Variants in CSMD1 observed in about 807,000 individuals in gnomAD.
CSMD1 encodes the protein CUB and sushi domain-containing protein 1.
CSMD1 carries 213 observed loss-of-function variants against 417.5 expected under a neutral mutation model. The observed-to-expected ratio is 0.51, with a 90% CI of 0.46 to 0.57. The LOEUF (loss-of-function observed/expected upper bound fraction) is 0.57, where lower values mean the gene tolerates loss of function less well. Among genes scored for constraint, CSMD1 ranks in the 20% least tolerant of loss-of-function variants. The pLI, the probability that CSMD1 is intolerant of heterozygous loss-of-function variation, is 0.00. For synonymous variants in CSMD1, 2,862 were observed against 1,736.8 expected (o/e 1.65, Z -16.11); for missense variants, 6,923 against 4,529.7 (o/e 1.53, Z -15.17).
At chr8:3,868,150 C>G (rs916490581) in intron 5 of CSMD1, among the ~76,000 whole-genome samples, 1 of 152,056 alleles carries the variant, frequency 6.6e-6, no homozygotes, top group Non-Finnish European at 1.5e-5. Flanking sequence ...AATCACAGCC[C>G]TAATTCCACT....
At chr8:3,526,392 T>TC (rs1456144437) in intron 10 of CSMD1, among the ~76,000 whole-genome samples, 1 of 152,136 alleles carries the variant, frequency 6.6e-6, no homozygotes, top group East Asian at 1.9e-4. Flanking sequence ...TCTTCAATCC[T>TC]AAATATATTT....
chr8:4,023,148 C>A (rs1045294513), intron 4 of CSMD1, among the ~76,000 whole-genome samples: 7 of 152,116 alleles, frequency 4.6e-5, no homozygotes, highest in Non-Finnish European at 1.0e-4. Flanking sequence ...GAGGAACTGC[C>A]CATCACAACT....
chr8:3,062,179 C>A (rs896949910), intron 49 of CSMD1, among the ~76,000 whole-genome samples: 3 of 152,144 alleles, frequency 2.0e-5, no homozygotes, highest in Admixed American at 2.0e-4. Context: ...CCTCCCTTAT[C>A]TTTGATTTCC....
At chr8:4,501,749 G>A (rs1252327447) in intron 2 of CSMD1, among the ~76,000 whole-genome samples, 1 of 152,118 alleles carries the variant, frequency 6.6e-6, no homozygotes, top group African/African-American at 2.4e-5. Flanking sequence ...ACTCATGGTT[G>A]CAGTAGTGCA....
intron 3 of CSMD1, among the ~76,000 whole-genome samples, chr8:4,166,471 T>G (rs1390684191): frequency 6.6e-6 from 1 of 152,146 alleles, no homozygotes; most frequent in Non-Finnish European, 1.5e-5. Context: ...TGGATGAAGT[T>G]GGAGGCCATT....
chr8:4,435,454 C>T (rs905184941), intron 2 of CSMD1, among the ~76,000 whole-genome samples: 5 of 152,188 alleles, frequency 3.3e-5, no homozygotes, highest in Admixed American at 1.3e-4. Context: ...AAACTTATCA[C>T]TGGTTTCCAC....
chr8:4,936,417 GATATAA>G (rs1190404159), intron 1 of CSMD1, among the ~76,000 whole-genome samples: 3 of 152,112 alleles, frequency 2.0e-5, no homozygotes, highest in Non-Finnish European at 4.4e-5. Flanking sequence ...TACTCAAATT[GATATAA>G]ATAGAAAAAA....
chr8:4,841,002 G>A (rs747633490), intron 1 of CSMD1, among the ~76,000 whole-genome samples: 26 of 152,182 alleles, frequency 1.7e-4, no homozygotes, highest in Non-Finnish European at 2.8e-4. Context: ...TCTTAACTGA[G>A]CGTTTGCCGT....
chr8:4,675,596 G>A (rs926289383), intron 1 of CSMD1, among the ~76,000 whole-genome samples: 1 of 152,124 alleles, frequency 6.6e-6, no homozygotes, highest in African/African-American at 2.4e-5. Context: ...GGTAGTAGCA[G>A]CAGTGATTAC....
chr8:3,455,555 G>C (rs185350314), intron 12 of CSMD1, among the ~76,000 whole-genome samples: 39 of 152,336 alleles, frequency 2.6e-4, no homozygotes, highest in Middle Eastern at 3.4e-3. Flanking sequence ...CTGCAGGTCT[G>C]TTGGAATTTG....
intron 3 of CSMD1, among the ~76,000 whole-genome samples, chr8:4,398,418 A>C (rs1269395996): frequency 1.7e-5 from 2 of 115,034 alleles, no homozygotes; most frequent in East Asian, 5.3e-4. Context: ...TGTGAGATAG[A>C]GTCTCACTCT....
chr8:3,153,821 A>T (rs1363636372), intron 39 of CSMD1, among the ~76,000 whole-genome samples: 1 of 152,208 alleles, frequency 6.6e-6, no homozygotes, highest in African/African-American at 2.4e-5. Context: ...ATCTCCTGTC[A>T]AACATGCATC....
intron 7 of CSMD1, among the ~76,000 whole-genome samples, chr8:3,707,355 T>G (rs1324376536): frequency 6.6e-6 from 1 of 152,128 alleles, no homozygotes; most frequent in African/African-American, 2.4e-5. Flanking sequence ...TTCCACTAAT[T>G]GCTAGGCAAC....
chr8:3,312,663 C>T (rs1442105513), intron 23 of CSMD1, among the ~76,000 whole-genome samples: 1 of 152,168 alleles, frequency 6.6e-6, no homozygotes, highest in African/African-American at 2.4e-5. Flanking sequence ...AGAGAAACAT[C>T]CCTAGAAATC....
chr8:3,354,864 T>C (rs1808644245), intron 21 of CSMD1, among the ~76,000 whole-genome samples: 1 of 151,104 alleles, frequency 6.6e-6, no homozygotes. Flanking sequence ...TCCCTATATA[T>C]AGATATACAT....
At chr8:4,060,597 G>C (rs138588722) in intron 3 of CSMD1, among the ~76,000 whole-genome samples, 2 of 152,158 alleles carry the variant, frequency 1.3e-5, no homozygotes, top group Non-Finnish European at 2.9e-5. Flanking sequence ...TCTGGGTTTC[G>C]GAACTGTCCC....
At chr8:3,581,155 G>A (rs1188377218) in intron 9 of CSMD1, among the ~76,000 whole-genome samples, 2 of 152,092 alleles carry the variant, frequency 1.3e-5, no homozygotes, top group African/African-American at 4.8e-5. Context: ...AAGACTGATG[G>A]AATGAAGTAC....
intron 44 of CSMD1, 82 bp downstream of exon 44, chr8:3,108,521 T>G: frequency 7.0e-7 from 1 of 1,424,664 alleles, no homozygotes; most frequent in Non-Finnish European, 9.6e-7. Flanking sequence ...AAACTTCAGC[T>G]GGAAACAAGG....
chr8:4,293,368 C>A (rs1797480013), intron 3 of CSMD1, among the ~76,000 whole-genome samples: 1 of 152,156 alleles, frequency 6.6e-6, no homozygotes, highest in Non-Finnish European at 1.5e-5. Context: ...TAAGTCCAAT[C>A]TAAATTTATT....
Sources: gnomAD v4.1 joint callset for allele counts (sites outside exome capture counted in the v4.1 genomes callset) on GRCh38, gnomAD v4.1.1 for gene constraint, MANE v1.5 for transcripts, NCBI Gene and HGNC (gene_info 2026-07-23, HGNC 2026-07-21) for gene names.